The following MFHAS1 variants were observed in gnomAD, a reference collection of about 807,000 sequenced individuals.
The protein encoded by MFHAS1 is multifunctional ROCO family signaling regulator 1.
MFHAS1 carries 50 observed loss-of-function variants against 70.4 expected under a neutral mutation model. The observed-to-expected ratio is 0.71, with a 90% CI of 0.57 to 0.90. The LOEUF (loss-of-function observed/expected upper bound fraction) is 0.90. MFHAS1 is among the 40% of genes least tolerant of loss of function. The probability of loss-of-function intolerance (pLI) is 0.00; values close to 1 mark genes in which losing one functional copy is unlikely to be tolerated. For missense variants in MFHAS1, 1,795 were observed against 1,347.6 expected, an observed-to-expected ratio of 1.33 and a Z score of -5.20; for synonymous variants, 952 against 620.0, an observed-to-expected ratio of 1.54 and a Z score of -7.96.
intron 1 of MFHAS1, among the ~76,000 whole-genome samples, chr8:8,855,888 G>C (rs1808420449): frequency 6.6e-6 from 1 of 152,132 alleles, no homozygotes; most frequent in Non-Finnish European, 1.5e-5. Context: ...TATGCTTTCT[G>C]CCGTTATTTT....
intron 1 of MFHAS1, among the ~76,000 whole-genome samples, chr8:8,856,874 C>G (rs1175598754): frequency 6.8e-6 from 1 of 146,728 alleles, no homozygotes; most frequent in Admixed American, 7.0e-5. Context: ...TTTGTTTATA[C>G]ACTGCCCTAG....
chr8:8,813,436 A>G (rs1311773774), intron 1 of MFHAS1, among the ~76,000 whole-genome samples: 1 of 152,216 alleles, frequency 6.6e-6, no homozygotes, highest in Non-Finnish European at 1.5e-5. Flanking sequence ...AGGGTATAAC[A>G]GCTCCATCAC....
At chr8:8,856,789 G>A (rs1227735334) in intron 1 of MFHAS1, among the ~76,000 whole-genome samples, 1 of 152,006 alleles carries the variant, frequency 6.6e-6, no homozygotes, top group African/African-American at 2.4e-5. Flanking sequence ...ATGGTTTCAA[G>A]CCCATGAGCC....
At chr8:8,886,742 A>G (rs1223021868) in intron 1 of MFHAS1, among the ~76,000 whole-genome samples, 1 of 152,232 alleles carries the variant, frequency 6.6e-6, no homozygotes, top group Non-Finnish European at 1.5e-5. Flanking sequence ...TGCATATAAA[A>G]TTGTTATAGT....
intron 1 of MFHAS1, among the ~76,000 whole-genome samples, chr8:8,886,000 C>T (rs1452619220): frequency 6.6e-6 from 1 of 152,126 alleles, no homozygotes; most frequent in Non-Finnish European, 1.5e-5. Flanking sequence ...AGGCCATCTC[C>T]GAGTTTCCAA....
rs1810045022 is a variant in MFHAS1, at chr8:8,891,663, C to G, written c.1396G>C (p.Asp466His). The G allele has an allele frequency of 1.2e-6, 2 of 1,613,584 alleles. No individual in the cohort carries two copies. The highest frequency in any genetic ancestry group is 1.3e-5 in the African/African-American group (1 of 75,042). Reference protein sequence around the residue: ...KGIEVTSWTADASRGLRFIVY... With the variant: ...KGIEVTSWTAHASRGLRFIVY... ...ATGAACCGCAGGCCCCGGGAGGCAT[C>G]GGCCGTCCAGCTGGTCACCTCGATG... is the stretch of plus-strand genomic sequence containing the variant. Residue 466 changes from aspartate (D) to histidine (H), a missense_variant, in exon 1 of 3, where the codon GAT becomes CAT. Asp to His is a moderately conservative substitution (Grantham distance 81). Coordinates refer to ENST00000276282, the MANE Select transcript of MFHAS1 (RefSeq NM_004225.3). The surrounding 1 kb of genome is among the most constrained non-coding windows in gnomAD (Gnocchi z 5.4).
At chr8:8,874,071 G>A (rs1585065344) in intron 1 of MFHAS1, among the ~76,000 whole-genome samples, 1 of 151,988 alleles carries the variant, frequency 6.6e-6, no homozygotes, top group East Asian at 1.9e-4. Context: ...CATAACCCTC[G>A]AGGCTTTTTT....
At chr8:8,826,774 T>C (rs1360680647) in intron 1 of MFHAS1, among the ~76,000 whole-genome samples, 1 of 152,148 alleles carries the variant, frequency 6.6e-6, no homozygotes, top group Non-Finnish European at 1.5e-5. Context: ...ATTTTGGGTT[T>C]TCCGATTCCA....
chr8:8,890,536 C>A lies in MFHAS1; in HGVS notation c.2523G>T (p.Leu841Phe). 1 of 1,613,446 alleles carries A rather than the reference C, an allele frequency of 6.2e-7. No homozygotes were observed. The highest frequency in any genetic ancestry group is 1.1e-5 in the South Asian group (1 of 91,080). ...YCLNKPKGKP[L>F]NGSTAWYKFP... ...ACTTGTACCAAGCTGTGGACCCATT[C>A]AAAGGCTTGCCCTTGGGTTTATTGA... The change falls in exon 1 of 3, where the codon TTG becomes TTT. Residue 841 changes from leucine to phenylalanine, a missense_variant. Transcript: ENST00000276282.
intron 1 of MFHAS1, among the ~76,000 whole-genome samples, chr8:8,855,879 A>G (rs1808420022): frequency 6.6e-6 from 1 of 152,148 alleles, no homozygotes; most frequent in South Asian, 2.1e-4. Flanking sequence ...ACAAAAAATT[A>G]TGCTTTCTGC....
At position 8,891,337 on chromosome 8, in the gene MFHAS1, C is replaced by T. The variant is rs1336053018; in HGVS notation, c.1722G>A (p.Lys574=). The T allele has an allele frequency of 1.9e-6, 3 of 1,611,210 alleles. No homozygotes were observed. The highest frequency in any genetic ancestry group is 2.2e-5 in the South Asian group (2 of 91,082). The change falls in exon 1 of 3, where the codon AAG becomes AAA. Residue 574 remains lysine (K), a synonymous_variant. Transcript: ENST00000276282. This position sits in a 1 kb window ranked among gnomAD's most constrained non-coding sequence, Gnocchi z 5.4. ...HDAEGLSRLA[K]VVDEALARDF... ...CCCGGGCCAGTGCCTCGTCCACCAC[C>T]TTGGCCAAGCGGCTCAGTCCCTCCG... is the stretch of plus-strand genomic sequence containing the variant.
chr8:8,870,675 T>C (rs1809041673), intron 1 of MFHAS1, among the ~76,000 whole-genome samples: 1 of 152,014 alleles, frequency 6.6e-6, no homozygotes, highest in African/African-American at 2.4e-5. Context: ...ACAGATTCCA[T>C]CCCGCAGGCC....
intron 1 of MFHAS1, chr8:8,859,847 G>C (rs566677817): frequency 6.6e-6 from 1 of 152,164 alleles, no homozygotes; most frequent in South Asian, 2.1e-4. Context: ...AACTGAATGG[G>C]GGGTCGGTGC....
intron 1 of MFHAS1, among the ~76,000 whole-genome samples, chr8:8,886,464 T>A (rs1221067966): frequency 6.6e-6 from 1 of 152,130 alleles, no homozygotes; most frequent in Non-Finnish European, 1.5e-5. Flanking sequence ...CACTGCACGC[T>A]GCCCATTACT....
chr8:8,843,825 T>G (rs983296117), intron 1 of MFHAS1, among the ~76,000 whole-genome samples: 1 of 152,200 alleles, frequency 6.6e-6, no homozygotes, highest in African/African-American at 2.4e-5. Flanking sequence ...AATTTAACTT[T>G]TACGCTAAGG....
intron 1 of MFHAS1, among the ~76,000 whole-genome samples, chr8:8,874,905 T>TA (rs1285250164): frequency 6.5e-4 from 91 of 139,352 alleles, no homozygotes; most frequent in East Asian, 8.1e-4. Flanking sequence ...ACACTGTGAT[T>TA]AAAAAAAAAA....
chr8:8,871,726 C>G (rs986059448), intron 1 of MFHAS1, among the ~76,000 whole-genome samples: 1 of 152,204 alleles, frequency 6.6e-6, no homozygotes, highest in Admixed American at 6.5e-5. Context: ...GAGGTCCAGG[C>G]CCCCGACTTC....
intron 1 of MFHAS1, among the ~76,000 whole-genome samples, chr8:8,838,938 G>C (rs888646781): frequency 6.6e-6 from 1 of 152,058 alleles, no homozygotes; most frequent in African/African-American, 2.4e-5. Flanking sequence ...GCAAAGGCAT[G>C]TACCATTTTA....
chr8:8,837,975 T>C (rs1300173086), intron 1 of MFHAS1, among the ~76,000 whole-genome samples: 1 of 152,202 alleles, frequency 6.6e-6, no homozygotes, highest in Admixed American at 6.5e-5. Flanking sequence ...CAAAGACTTG[T>C]ACATGCATGT....
Sources: allele counts gnomAD v4.1 joint callset (sites outside exome capture counted in the v4.1 genomes callset), GRCh38; gene constraint gnomAD v4.1.1; non-coding constraint Gnocchi (gnomAD v3.1); transcripts MANE v1.5; gene names NCBI Gene and HGNC (gene_info 2026-07-23, HGNC 2026-07-21).